The following DENND4C variants were observed in gnomAD, a reference collection of about 807,000 sequenced individuals.
DENND4C encodes DENN domain-containing protein 4C.
DENND4C carries 108 observed loss-of-function variants against 203.0 expected under a neutral mutation model. The ratio of observed to expected loss-of-function variants is 0.53; its 90% CI spans 0.46 to 0.62. The LOEUF is 0.62. DENND4C is among the 20% of genes least tolerant of loss of function. DENND4C has a pLI of 0.00. For missense variants in DENND4C, 2,481 were observed against 2,301.2 expected (o/e 1.08, Z -1.60); for synonymous variants, 871 against 792.4 (o/e 1.10, Z -1.67).
chr9:19,302,040 A>C (rs971567845), intron 9 of DENND4C, among the ~76,000 whole-genome samples: 1 of 152,202 alleles, frequency 6.6e-6, no homozygotes, highest in Non-Finnish European at 1.5e-5. Context: ...TTTCAGTAGT[A>C]TGGTGCAAGA....
At chr9:19,361,770 A>G (rs1311626580) in intron 29 of DENND4C, 76 bp from the exon 30 acceptor site, 1 of 873,570 alleles carries the variant, frequency 1.1e-6, no homozygotes, top group Non-Finnish European at 1.8e-6. Context: ...CATCTGTTTT[A>G]TATAATCAAG....
At chr9:19,289,828 CA>C (rs377068068) in intron 4 of DENND4C, among the ~76,000 whole-genome samples, 2,213 of 126,720 alleles carry the variant, frequency 0.017, 30 homozygotes, top group Non-Finnish European at 0.02. Flanking sequence ...GATCCTGTCT[CA>C]AAAAAAAAAA....
chr9:19,282,589 C>G lies in DENND4C; in HGVS notation c.306-4180C>G, dbSNP rs1221557862. Among the ~76,000 whole-genome samples the G allele has an allele frequency of 2.8e-5, 4 of 144,166 alleles. 1 individual carries two copies. The South Asian group carries it at 9.1e-4, about 33-fold the overall frequency. The allele number at this position is 144,166 out of a possible 152,430, so 94.6% of individuals were successfully genotyped here. On this transcript the variant is annotated intron_variant, in intron 2 of 32. Transcript: ENST00000434457. ...AAAAAAAAAAAATAATGGGGTCTTG[C>G]CTTGTTGCCCAGGCTGGCATTGCAC...
chr9:19,309,538 T>G (rs1840344619), intron 10 of DENND4C, among the ~76,000 whole-genome samples: 1 of 152,160 alleles, frequency 6.6e-6, no homozygotes, highest in Admixed American at 6.5e-5. Context: ...ATTTATATCT[T>G]AATAAAACTG....
In DENND4C at chr9:19,334,106, G is replaced by A. The variant is rs574016807; in HGVS notation, c.2461-871G>A. 1.7e-3 allele frequency among the ~76,000 whole-genome samples: 260 copies of A among 152,196 alleles called. 1 individual carries two copies. Among genetic ancestry groups the A allele is most frequent in the African/African-American group, 5.8e-3 (241 of 41,528 alleles). On this transcript the variant is annotated intron_variant, in intron 17 of 32. Coordinates refer to ENST00000434457, the MANE Select transcript of DENND4C (RefSeq NM_001330640.2). ...TTCCTCCAGGCTAGCATGCAGTGGC[G>A]CAGTCTTGGCTCACTACAATCTCCG...
intron 30 of DENND4C, among the ~76,000 whole-genome samples, chr9:19,364,043 C>T (rs1207564326): frequency 6.6e-6 from 1 of 151,952 alleles, no homozygotes; most frequent in Non-Finnish European, 1.5e-5. Context: ...ATGTGGCTGG[C>T]GTGGTGGCTT....
At chr9:19,272,945 C>T (rs13300420) in intron 1 of DENND4C, among the ~76,000 whole-genome samples, 2,725 of 86,650 alleles carry the variant, frequency 0.031, 186 homozygotes, top group African/African-American at 0.12. Flanking sequence ...TTTTTGTATC[C>T]TTTTTTTTTT....
chr9:19,361,771 T>C (rs1317566336), intron 29 of DENND4C, 75 bp from the exon 30 acceptor site: 1 of 881,676 alleles, frequency 1.1e-6, no homozygotes, highest in East Asian at 2.6e-5. Context: ...ATCTGTTTTA[T>C]ATAATCAAGC....
Position 19,361,680 on chromosome 9 carries a change from A to G in DENND4C, c.5407-166A>G, listed in dbSNP as rs142933027. 1.2e-4 allele frequency among the ~76,000 whole-genome samples: 19 copies of G among 152,308 alleles called. No individual in the cohort carries two copies. The East Asian group carries it at 3.5e-3, about 28-fold the overall frequency. ...CTGAGAAACCTTGACCTCAGAAAAT[A>G]ATAATAACATTTGTCATCAGACATT... On this transcript the variant is annotated intron_variant, in intron 29 of 32. Transcript: ENST00000434457.
chr9:19,365,236 A>G (rs976911174), intron 30 of DENND4C, among the ~76,000 whole-genome samples: 6 of 152,216 alleles, frequency 3.9e-5, no homozygotes, highest in African/African-American at 1.2e-4. Context: ...CAAGCATGCA[A>G]TTGTGGTTTA....
At chr9:19,370,054 T>C (rs754398944) in intron 31 of DENND4C, 67 bp downstream of exon 31, 1 of 1,563,618 alleles carries the variant, frequency 6.4e-7, no homozygotes, top group Non-Finnish European at 8.8e-7. Flanking sequence ...AATATCTTAC[T>C]TTTAAAAATA....
chr9:19,347,249 C>T (rs533986576), intron 23 of DENND4C, among the ~76,000 whole-genome samples, 163 bp downstream of exon 23: 3 of 152,186 alleles, frequency 2.0e-5, no homozygotes, highest in Non-Finnish European at 4.4e-5. Flanking sequence ...GAGCGATTCT[C>T]TTGCCTGAGT....
intron 20 of DENND4C, among the ~76,000 whole-genome samples, chr9:19,340,467 T>C (rs1427060484): frequency 1.3e-5 from 2 of 150,616 alleles, no homozygotes; most frequent in African/African-American, 2.4e-5. Context: ...ATCTTACTGA[T>C]TTTATTTTTT....
intron 30 of DENND4C, among the ~76,000 whole-genome samples, chr9:19,365,231 A>G (rs1343627884): frequency 6.6e-5 from 10 of 152,250 alleles, no homozygotes; most frequent in Admixed American, 6.5e-4. Context: ...TATCTCAAGC[A>G]TGCAATTGTG....
At chr9:19,287,872 A>G (rs1165505907) in intron 3 of DENND4C, among the ~76,000 whole-genome samples, 1 of 152,140 alleles carries the variant, frequency 6.6e-6, no homozygotes, top group Non-Finnish European at 1.5e-5. Flanking sequence ...AGCTGGGGCT[A>G]CGGGCGTGCG....
At chr9:19,306,418 CTA>C (rs1327840678) in intron 10 of DENND4C, among the ~76,000 whole-genome samples, 4 of 152,140 alleles carry the variant, frequency 2.6e-5, no homozygotes, top group Non-Finnish European at 5.9e-5. Flanking sequence ...AACTGTATAG[CTA>C]TAGTGGCTCC....
At chr9:19,341,242 T>G (rs755867554) in intron 21 of DENND4C, 128 bp downstream of exon 21, 1 of 681,502 alleles carries the variant, frequency 1.5e-6, no homozygotes, top group Non-Finnish European at 2.2e-6. Context: ...TAAGATGCTG[T>G]GTACTGTTAC....
intron 29 of DENND4C, 80 bp downstream of exon 29, chr9:19,360,569 TAGC>T (rs112440008): frequency 3.7e-5 from 57 of 1,530,580 alleles, no homozygotes; most frequent in African/African-American, 5.6e-5. Context: ...TATACAACAG[TAGC>T]AGCTTAACAA....
intron 22 of DENND4C, among the ~76,000 whole-genome samples, chr9:19,344,676 A>AT (rs1247485615): frequency 4.0e-5 from 6 of 151,796 alleles, no homozygotes; most frequent in Admixed American, 3.9e-4. Flanking sequence ...TAATTTTTGT[A>AT]TTTTTTTGCG....
Sources: gnomAD v4.1 joint callset for allele counts (sites outside exome capture counted in the v4.1 genomes callset) on GRCh38, gnomAD v4.1.1 for gene constraint, MANE v1.5 for transcripts, NCBI Gene and HGNC (gene_info 2026-07-23, HGNC 2026-07-21) for gene names.